Variants in GPR37 observed in about 807,000 individuals in gnomAD.
GPR37 encodes the protein prosaposin receptor GPR37.
GPR37 carries 20 observed loss-of-function variants against 43.6 expected under a neutral mutation model. The observed-to-expected ratio is 0.46, with a 90% CI of 0.32 to 0.67. The LOEUF is 0.67. Among genes scored for constraint, GPR37 ranks in the 30% least tolerant of loss-of-function variants. GPR37 has a pLI of 0.03. For synonymous variants in GPR37, 315 were observed against 322.6 expected, an observed-to-expected ratio of 0.98 and a Z score of 0.25; for missense variants, 724 against 797.2, an observed-to-expected ratio of 0.91 and a Z score of 1.11.
intron 1 of GPR37, among the ~76,000 whole-genome samples, chr7:124,748,834 C>T (rs1432092951): frequency 1.3e-5 from 2 of 151,878 alleles, no homozygotes; most frequent in African/African-American, 4.8e-5. Context: ...AAATATGTAC[C>T]TATTTTTTTT....
rs796433003 is a variant in GPR37, at chr7:124,746,182, T to C, written c.*343A>G. 7 of 171,054 alleles carry C rather than the reference T, an allele frequency of 4.1e-5. No individual in the cohort carries two copies. The highest frequency in any genetic ancestry group is 1.7e-4 in the African/African-American group (7 of 42,274). The allele number at this position is 171,054 out of a possible 1,614,324, so 10.6% of individuals were successfully genotyped here. ...CTCAAATATAAAATAACCTACAAAA[T>C]CACATTGCTATAATCAATATACAAT... On this transcript the variant is annotated 3_prime_UTR_variant, in exon 2 of 2. Coordinates refer to ENST00000303921, the MANE Select transcript of GPR37 (RefSeq NM_005302.5).
At chr7:124,761,127 G>A (rs552980774) in intron 1 of GPR37, among the ~76,000 whole-genome samples, 9 of 140,382 alleles carry the variant, frequency 6.4e-5, no homozygotes, top group Middle Eastern at 4.2e-3. Flanking sequence ...CTGCACTCCA[G>A]CCTGGTGACA....
chr7:124,764,431 C>A lies in GPR37; in HGVS notation c.546G>T (p.Trp182Cys). 6 of 1,613,658 alleles carry A rather than the reference C, an allele frequency of 3.7e-6. No homozygotes were observed. Among genetic ancestry groups the A allele is most frequent in the Non-Finnish European group, 5.1e-6 (6 of 1,180,032 alleles). ...TVPGASDLFY[W>C]PRRAGKLQGS... is the part of the protein sequence containing the mutation. ...CCTGGAGTTTCCCGGCTCTCCTTGG[C>A]CAGTAAAAAAGATCGCTGGCTCCGG... Residue 182 changes from tryptophan (W) to cysteine (C), a missense_variant, in exon 1 of 2, where the codon TGG (tryptophan) becomes TGT (cysteine). By Grantham distance (215) the Trp-to-Cys change is radical. This residue lies in a region of GPR37 where 382 missense variants were observed against 355.4 expected (regional missense o/e 1.07). Transcript: ENST00000303921. The surrounding 1 kb of genome is among the most constrained non-coding windows in gnomAD (Gnocchi z 5.4).
rs1401648353 is a variant in GPR37, at chr7:124,746,619, T to C, written c.1748A>G (p.Asn583Ser). ...QKSSTVTSDDNDNEYTTELEL... is the reference protein window; with the variant it reads ...QKSSTVTSDDSDNEYTTELEL... ...GAGTTCCGTGGTGTACTCGTTGTCA[T>C]TGTCATCACTGGTCACCGTTGAAGA... is the stretch of plus-strand genomic sequence containing the variant. The change falls in exon 2 of 2, where the codon AAT becomes AGT. Residue 583 changes from asparagine to serine, a missense_variant. Transcript: ENST00000303921. 6.2e-7 allele frequency: 1 copy of C among 1,613,946 alleles called. No individual in the cohort carries two copies. Among genetic ancestry groups the C allele is most frequent in the Non-Finnish European group, 8.5e-7 (1 of 1,179,872 alleles).
chr7:124,763,897 G>T, intron 1 of GPR37, 57 bp downstream of exon 1: 1 of 1,487,304 alleles, frequency 6.7e-7, no homozygotes, highest in East Asian at 2.3e-5. Flanking sequence ...GTTCTCTGAT[G>T]CTATAATCCC....
intron 1 of GPR37, among the ~76,000 whole-genome samples, chr7:124,756,490 T>G (rs1409558377): frequency 6.6e-6 from 1 of 152,222 alleles, no homozygotes; most frequent in Non-Finnish European, 1.5e-5. Context: ...CTACACTTAC[T>G]CTGCAAATAA....
At chr7:124,759,586 G>A (rs889281768) in intron 1 of GPR37, among the ~76,000 whole-genome samples, 6 of 152,052 alleles carry the variant, frequency 3.9e-5, no homozygotes, top group Admixed American at 2.0e-4. Flanking sequence ...CTAGGAGGAC[G>A]GCCATGATCT....
intron 1 of GPR37, among the ~76,000 whole-genome samples, chr7:124,758,936 C>T (rs1405659952): frequency 6.6e-6 from 1 of 152,168 alleles, no homozygotes; most frequent in Non-Finnish European, 1.5e-5. Context: ...TCAAAACCTC[C>T]AATTAATGTC....
rs1022440893 is a variant in GPR37, at chr7:124,765,117, T to C, written c.-141A>G. The C allele has an allele frequency of 1.5e-5, 11 of 713,460 alleles. No individual in the cohort carries two copies. The East Asian group carries it at 2.2e-4, about 14-fold the overall frequency. 44.2% of individuals were successfully genotyped at this position (713,460 alleles called of 1,614,324 possible). On this transcript the variant is annotated 5_prime_UTR_variant, in exon 1 of 2. Transcript: ENST00000303921. ...AGCGGGGAACCGGAGATTAGGGTGA[T>C]AGCGGAAGATCGGTCTTGGGGGTCA...
At chr7:124,747,386 A>G (rs1793686257) in intron 1 of GPR37, 43 bp from the exon 2 acceptor site, 1 of 1,299,434 alleles carries the variant, frequency 7.7e-7, no homozygotes, top group South Asian at 1.4e-5. Context: ...GTGTCCCCCG[A>G]AAGATCAAAG....
In GPR37 at chr7:124,764,659, T is replaced by C; in HGVS notation, c.318A>G (p.Ala106=). ...PAAGRGAEAS[A]AGPPGPPTRP... is the part of the protein sequence containing the mutation. ...TGGTTGGAGGTCCCGGGGGTCCGGC[T>C]GCCGACGCCTCCGCCCCTCTGCCTG... Residue 106 remains alanine (A), a synonymous_variant, in exon 1 of 2, where the codon GCA becomes GCG. Transcript: ENST00000303921. The surrounding 1 kb of genome is among the most constrained non-coding windows in gnomAD (Gnocchi z 5.4). 1 of 1,583,046 alleles carries C rather than the reference T, an allele frequency of 6.3e-7. No individual in the cohort carries two copies. Among genetic ancestry groups the C allele is most frequent in the Admixed American group, 1.8e-5 (1 of 56,712 alleles).
chr7:124,759,089 C>G (rs1172100164), intron 1 of GPR37, among the ~76,000 whole-genome samples: 2 of 139,984 alleles, frequency 1.4e-5, no homozygotes, highest in Non-Finnish European at 3.0e-5. Context: ...TTTTTTGAGA[C>G]AGGGTCCCAC....
chr7:124,756,040 T>C (rs1456391960), intron 1 of GPR37, among the ~76,000 whole-genome samples: 2 of 152,236 alleles, frequency 1.3e-5, no homozygotes, highest in Non-Finnish European at 2.9e-5. Context: ...TTAACCAAAA[T>C]TTCACTATTG....
At chr7:124,751,354 C>T (rs528141566) in intron 1 of GPR37, among the ~76,000 whole-genome samples, 12 of 152,210 alleles carry the variant, frequency 7.9e-5, no homozygotes, top group East Asian at 5.8e-4. Flanking sequence ...AATTCACTTA[C>T]GCACTACATT....
At chr7:124,755,750 T>C (rs1028634013) in intron 1 of GPR37, among the ~76,000 whole-genome samples, 3 of 152,136 alleles carry the variant, frequency 2.0e-5, no homozygotes, top group African/African-American at 7.2e-5. Flanking sequence ...CATTTCAAAA[T>C]GTAATATTTC....
intron 1 of GPR37, among the ~76,000 whole-genome samples, chr7:124,761,154 C>CAAAAAAAAAAAAAAAAAA (rs60967099): frequency 1.3e-5 from 1 of 77,470 alleles, no homozygotes; most frequent in African/African-American, 5.3e-5. Context: ...GACTCCGTCT[C>CAAAAAAAAAAAAAAAAAA]AAAAAAAAAA....
intron 1 of GPR37, among the ~76,000 whole-genome samples, chr7:124,763,476 C>T (rs921450710): frequency 6.6e-6 from 1 of 152,064 alleles, no homozygotes; most frequent in African/African-American, 2.4e-5. Flanking sequence ...TAAAATGTTA[C>T]TCCAACTTTG....
At chr7:124,762,548 C>A (rs1334284497) in intron 1 of GPR37, among the ~76,000 whole-genome samples, 1 of 151,692 alleles carries the variant, frequency 6.6e-6, no homozygotes, top group East Asian at 1.9e-4. Context: ...TAAATAGACA[C>A]ATATTCTCTA....
intron 1 of GPR37, among the ~76,000 whole-genome samples, chr7:124,757,760 G>T (rs2299902): frequency 0.46 from 69,815 of 151,846 alleles, 16,207 homozygotes; most frequent in East Asian, 0.51. Context: ...TAATTTTAAT[G>T]GCAGTGGCTC....
Sources: gnomAD v4.1 joint callset for allele counts (sites outside exome capture counted in the v4.1 genomes callset) on GRCh38, gnomAD v4.1.1 for gene constraint, gnomAD v4.1.1 regional missense constraint, Gnocchi (gnomAD v3.1) non-coding constraint, MANE v1.5 for transcripts, NCBI Gene and HGNC (gene_info 2026-07-23, HGNC 2026-07-21) for gene names.